The following MYO3B variants were observed in gnomAD, a reference collection of about 807,000 sequenced individuals.
MYO3B encodes the protein myosin IIIB.
In MYO3B, 156 loss-of-function variants were observed where a neutral mutation model predicts 174.6. The observed-to-expected ratio is 0.89, with a 90% CI of 0.78 to 1.02. MYO3B has a LOEUF of 1.02. Ranked by LOEUF, MYO3B falls within the 50% of genes least tolerant of loss-of-function variation. The probability of loss-of-function intolerance (pLI) is 0.00; values close to 1 mark genes in which losing one functional copy is unlikely to be tolerated. For synonymous variants in MYO3B, 563 were observed against 569.1 expected, an observed-to-expected ratio of 0.99 and a Z score of 0.15; for missense variants, 1,632 against 1,639.4, an observed-to-expected ratio of 1.00 and a Z score of 0.08.
intron 7 of MYO3B, among the ~76,000 whole-genome samples, chr2:170,274,689 C>A (rs10930412): frequency 0.8 from 122,285 of 152,040 alleles, 51,418 homozygotes; most frequent in East Asian, 0.95. Context: ...AGTGATAATT[C>A]CATGACTCTA....
intron 32 of MYO3B, among the ~76,000 whole-genome samples, chr2:170,571,805 T>C (rs1692455145): frequency 6.6e-6 from 1 of 152,072 alleles, no homozygotes; most frequent in South Asian, 2.1e-4. Context: ...TGATGAGGAA[T>C]CTGGAATGTT....
chr2:170,406,625 C>T (rs2094510642), intron 21 of MYO3B, among the ~76,000 whole-genome samples: 1 of 152,172 alleles, frequency 6.6e-6, no homozygotes, highest in Non-Finnish European at 1.5e-5. Flanking sequence ...CCTCCCATTC[C>T]TGTCCTCCTC....
At chr2:170,442,838 T>A (rs1455689120) in intron 22 of MYO3B, among the ~76,000 whole-genome samples, 2 of 152,240 alleles carry the variant, frequency 1.3e-5, no homozygotes, top group African/African-American at 2.4e-5. Context: ...GAACTCATCC[T>A]TTTTTATGGC....
rs1353300799 is a variant in MYO3B, at chr2:170,501,663, CAGTG to C, written c.3290-119_3290-116del. The C allele has an allele frequency of 6.3e-6, 4 of 636,778 alleles. No individual in the cohort carries two copies. In the Admixed American group the frequency reaches 1.1e-4, roughly 17 times the overall value. 39.4% of individuals were successfully genotyped at this position (636,778 alleles called of 1,614,324 possible). A position where few individuals can be genotyped will look rare whatever the true frequency, so the allele number is the denominator to read the frequency against. ...ATCACATACCTCTGCTTATTTTGTT[CAGTG>C]AGAAAGCAGGAGGGAGGATGAGACG... On this transcript the variant is annotated intron_variant, in intron 27 of 34. Transcript: ENST00000408978.
At position 170,499,702 on chromosome 2, in the gene MYO3B, A is replaced by G; in HGVS notation, c.3183A>G (p.Ile1061Met). Reference protein sequence around the residue: ...EQLNLLLREVIGRVVVLQAYT... With the variant: ...EQLNLLLREVMGRVVVLQAYT... ...TAAATTTGCTGCTTCGAGAAGTCAT[A>G]GGCAGAGTGGTTGTGCTGCAGGCAT... Residue 1061 changes from isoleucine (I) to methionine (M), a missense_variant, in exon 27 of 35, where the codon ATA becomes ATG. Coordinates refer to ENST00000408978, the MANE Select transcript of MYO3B (RefSeq NM_138995.5). 6.2e-7 allele frequency: 1 copy of G among 1,614,158 alleles called. No homozygotes were observed. The highest frequency in any genetic ancestry group is 1.1e-5 in the South Asian group (1 of 91,078).
Position 170,180,844 on chromosome 2 carries a change from A to G in MYO3B, c.2+2555A>G, listed in dbSNP as rs76208982. On this transcript the variant is annotated intron_variant, in intron 1 of 34. Transcript: ENST00000408978. Reference sequence around the variant, plus strand: ...AGAAATGCAAATATTCTTTGTATTTACACAAAAATTGTCCTCTCTATACAC... The same window carrying G: ...AGAAATGCAAATATTCTTTGTATTTGCACAAAAATTGTCCTCTCTATACAC... Among the ~76,000 whole-genome samples, 518 of 152,328 alleles carry G rather than the reference A, an allele frequency of 3.4e-3. 2 individuals carry two copies. The highest frequency in any genetic ancestry group is 0.012 in the African/African-American group (493 of 41,582).
At chr2:170,645,342 G>A (rs977584364) in intron 32 of MYO3B, among the ~76,000 whole-genome samples, 1 of 151,800 alleles carries the variant, frequency 6.6e-6, no homozygotes, top group Admixed American at 6.6e-5. Context: ...CACAGTGGTG[G>A]GTGCCTGTAA....
At chr2:170,362,074 C>G (rs2094165737) in intron 8 of MYO3B, among the ~76,000 whole-genome samples, 1 of 152,174 alleles carries the variant, frequency 6.6e-6, no homozygotes, top group African/African-American at 2.4e-5. Flanking sequence ...CTGGGGGTCT[C>G]TGATCCTGGG....
intron 7 of MYO3B, among the ~76,000 whole-genome samples, chr2:170,276,132 T>G (rs922817777): frequency 6.6e-6 from 1 of 152,154 alleles, no homozygotes; most frequent in Non-Finnish European, 1.5e-5. Context: ...AATGAAATCA[T>G]GCAAAGAGCT....
chr2:170,286,829 T>A (rs1033347026), intron 7 of MYO3B, among the ~76,000 whole-genome samples: 1 of 152,106 alleles, frequency 6.6e-6, no homozygotes. Flanking sequence ...AGTATAGAGT[T>A]CAGTGGTAAT....
chr2:170,413,370 A>G (rs891011186), intron 22 of MYO3B, among the ~76,000 whole-genome samples: 2 of 152,138 alleles, frequency 1.3e-5, no homozygotes, highest in African/African-American at 4.8e-5. Flanking sequence ...TGAATAGGAC[A>G]AGGAGGAAAG....
At chr2:170,569,296 C>CA (rs772029012) in intron 32 of MYO3B, among the ~76,000 whole-genome samples, 16 of 151,080 alleles carry the variant, frequency 1.1e-4, no homozygotes, top group Middle Eastern at 3.4e-3. Flanking sequence ...CAGAGCTAGG[C>CA]AAAAAAAAGT....
rs2093939468 is a variant in MYO3B at position 170,335,274 on chromosome 2, ACAAACAGAT to A, written c.750-110_750-102del. On this transcript the variant is annotated intron_variant, in intron 7 of 34. Transcript: ENST00000408978. The stretch of plus-strand genomic sequence containing the variant: ...ACTAAAAAATGACTCTCATATGAGA[ACAAACAGAT>A]TTTATTAGAGCTATTTAGAATGATA... The A allele has an allele frequency of 9.7e-6, 8 of 825,486 alleles. No homozygotes were observed. In the South Asian group the frequency reaches 1.4e-4, roughly 14 times the overall value. The allele number at this position is 825,486 out of a possible 1,614,324, so 51.1% of individuals were successfully genotyped here.
At chr2:170,187,205 T>C in intron 1 of MYO3B, among the ~76,000 whole-genome samples, 1 of 152,058 alleles carries the variant, frequency 6.6e-6, no homozygotes, top group African/African-American at 2.4e-5. Flanking sequence ...ATTTTGGTTT[T>C]GGTTTGCTCT....
chr2:170,226,956 T>C (rs989927072), intron 6 of MYO3B, among the ~76,000 whole-genome samples: 1 of 152,154 alleles, frequency 6.6e-6, no homozygotes, highest in Non-Finnish European at 1.5e-5. Flanking sequence ...AACAGAAGTG[T>C]TTGCTGAAGG....
At chr2:170,625,806 T>C (rs1696367292) in intron 32 of MYO3B, among the ~76,000 whole-genome samples, 1 of 152,244 alleles carries the variant, frequency 6.6e-6, no homozygotes, top group African/African-American at 2.4e-5. Flanking sequence ...TTCATTTCGT[T>C]ATGTACCCAG....
At chr2:170,451,198 A>C (rs981636584) in intron 23 of MYO3B, among the ~76,000 whole-genome samples, 9 of 152,272 alleles carry the variant, frequency 5.9e-5, no homozygotes, top group African/African-American at 2.2e-4. Flanking sequence ...ACTCAAGTAC[A>C]TGTTACACTA....
chr2:170,645,324 T>C (rs923782151), intron 32 of MYO3B, among the ~76,000 whole-genome samples: 2 of 151,676 alleles, frequency 1.3e-5, no homozygotes, highest in Admixed American at 6.6e-5. Flanking sequence ...TACAAAAAAT[T>C]AGCCAGGCAC....
At chr2:170,601,217 T>C (rs1694489180) in intron 32 of MYO3B, among the ~76,000 whole-genome samples, 1 of 152,202 alleles carries the variant, frequency 6.6e-6, no homozygotes, top group Non-Finnish European at 1.5e-5. Context: ...GCTGCCACTT[T>C]TTATTTTGTA....
Sources: gnomAD v4.1 joint callset for allele counts (sites outside exome capture counted in the v4.1 genomes callset) on GRCh38, gnomAD v4.1.1 for gene constraint, MANE v1.5 for transcripts, NCBI Gene and HGNC (gene_info 2026-07-23, HGNC 2026-07-21) for gene names.